Variants in GBE1 observed in about 807,000 individuals in gnomAD.
The protein encoded by GBE1 is 1,4-alpha-glucan branching enzyme 1.
In GBE1, 70 loss-of-function variants were observed where a neutral mutation model predicts 88.8. The observed-to-expected ratio is 0.79, with a 90% confidence interval of 0.65 to 0.96. The LOEUF (loss-of-function observed/expected upper bound fraction) is 0.96. GBE1 is among the 40% of genes least tolerant of loss of function. The pLI, the probability that GBE1 is intolerant of heterozygous loss-of-function variation, is 0.00. For missense variants in GBE1, 872 were observed against 871.0 expected (o/e 1.00, Z -0.01); for synonymous variants, 284 against 300.1 (o/e 0.95, Z 0.56).
chr3:81,696,461 G>C (rs777230570), intron 2 of GBE1, among the ~76,000 whole-genome samples: 1 of 152,170 alleles, frequency 6.6e-6, no homozygotes, highest in Non-Finnish European at 1.5e-5. Context: ...AAAATGAATA[G>C]TTTTGTTGTG....
At chr3:81,666,778 T>C (rs1705119143) in intron 3 of GBE1, among the ~76,000 whole-genome samples, 1 of 152,170 alleles carries the variant, frequency 6.6e-6, no homozygotes, top group African/African-American at 2.4e-5. Flanking sequence ...AGAACTTATC[T>C]AGAAAATAAT....
intron 12 of GBE1, among the ~76,000 whole-genome samples, chr3:81,571,273 G>T (rs530252380): frequency 6.6e-6 from 1 of 152,300 alleles, no homozygotes; most frequent in East Asian, 1.9e-4. Context: ...TAATGAGTTT[G>T]ATTTGAATGA....
intron 12 of GBE1, 56 bp from the exon 13 acceptor site, chr3:81,537,151 A>G: frequency 9.8e-7 from 1 of 1,022,138 alleles, no homozygotes. Flanking sequence ...TTTCTTACTA[A>G]TAATAAATCA....
chr3:81,566,026 C>T (rs1282941132), intron 12 of GBE1, among the ~76,000 whole-genome samples: 2 of 152,158 alleles, frequency 1.3e-5, no homozygotes, highest in Non-Finnish European at 2.9e-5. Flanking sequence ...CAGCCCCATT[C>T]GGGTTTGCTT....
intron 9 of GBE1, among the ~76,000 whole-genome samples, chr3:81,589,906 G>A (rs979423223): frequency 1.3e-5 from 2 of 152,008 alleles, no homozygotes; most frequent in East Asian, 1.9e-4. Flanking sequence ...ATTAGCACAA[G>A]TATTAGTAAG....
intron 1 of GBE1, among the ~76,000 whole-genome samples, chr3:81,760,806 G>A (rs999788477): frequency 2.0e-5 from 3 of 152,144 alleles, no homozygotes; most frequent in African/African-American, 4.8e-5. Context: ...TTGATCCAAG[G>A]GGAGAAAAAA....
intron 8 of GBE1, among the ~76,000 whole-genome samples, chr3:81,593,613 T>G (rs1458305308): frequency 6.6e-6 from 1 of 152,076 alleles, no homozygotes; most frequent in African/African-American, 2.4e-5. Flanking sequence ...TTATTTTTTA[T>G]TTTCATTGGA....
rs779517065 is a variant in GBE1 at position 81,577,971 on chromosome 3, T to C, written c.1572A>G (p.Arg524=). The change falls in exon 12 of 16, where the codon CGA becomes CGG. Residue 524 remains arginine, a synonymous_variant. Transcript: ENST00000429644. ...DRGIQLHKMI[R]LITHGLGGEG... is the part of the protein sequence containing the mutation. ...CTCCACCAAGCCCATGCGTAATGAG[T>C]CGAATCATTTTATGAAGCTGTATTC... The C allele has an allele frequency of 1.7e-5, 27 of 1,608,232 alleles. No homozygotes were observed. Among genetic ancestry groups the C allele is most frequent in the Non-Finnish European group, 1.9e-5 (22 of 1,177,838 alleles).
intron 15 of GBE1, among the ~76,000 whole-genome samples, chr3:81,495,119 T>C (rs1702483223): frequency 6.6e-6 from 1 of 152,248 alleles, no homozygotes; most frequent in African/African-American, 2.4e-5. Context: ...TCGGGCATAG[T>C]GGCTCACGCC....
intron 2 of GBE1, among the ~76,000 whole-genome samples, chr3:81,696,005 T>C (rs1042799479): frequency 6.6e-6 from 1 of 152,164 alleles, no homozygotes; most frequent in South Asian, 2.1e-4. Flanking sequence ...TGGCAAGCTA[T>C]AATACAAAGA....
chr3:81,635,824 G>C (rs903291124), intron 7 of GBE1, among the ~76,000 whole-genome samples: 1 of 152,138 alleles, frequency 6.6e-6, no homozygotes, highest in African/African-American at 2.4e-5. Context: ...AGATGTTTTA[G>C]GGCAATGAGC....
At chr3:81,725,164 T>A (rs903177785) in intron 1 of GBE1, among the ~76,000 whole-genome samples, 2 of 152,208 alleles carry the variant, frequency 1.3e-5, no homozygotes, top group Admixed American at 6.5e-5. Context: ...AAACATTTTT[T>A]ATTCTTCAAT....
At chr3:81,511,721 T>C (rs1702727382) in intron 14 of GBE1, among the ~76,000 whole-genome samples, 1 of 151,970 alleles carries the variant, frequency 6.6e-6, no homozygotes, top group African/African-American at 2.4e-5. Flanking sequence ...AGGGAACACT[T>C]ATATACTGTT....
chr3:81,621,536 T>C (rs1704333364), intron 7 of GBE1, among the ~76,000 whole-genome samples: 1 of 152,072 alleles, frequency 6.6e-6, no homozygotes, highest in Non-Finnish European at 1.5e-5. Flanking sequence ...AGCCAAAATA[T>C]TCAGTACCCT....
chr3:81,541,832 T>C (rs1174646091), intron 12 of GBE1, among the ~76,000 whole-genome samples: 1 of 152,106 alleles, frequency 6.6e-6, no homozygotes, highest in African/African-American at 2.4e-5. Context: ...ATAATTACAA[T>C]TAAATAGGTA....
At chr3:81,655,550 CTT>C (rs1369360860) in intron 3 of GBE1, among the ~76,000 whole-genome samples, 2 of 152,012 alleles carry the variant, frequency 1.3e-5, no homozygotes, top group African/African-American at 4.8e-5. Context: ...GAGTTTTACT[CTT>C]GTCGCCCAGG....
rs555968918 is a variant in GBE1 at position 81,731,285 on chromosome 3, T to C, written c.144-25672A>G. 1.3e-3 allele frequency among the ~76,000 whole-genome samples: 191 copies of C among 152,146 alleles called. 1 individual carries two copies. The highest frequency in any genetic ancestry group is 1.8e-3 in the Non-Finnish European group (125 of 68,024). On this transcript the variant is annotated intron_variant, in intron 1 of 15. Coordinates refer to ENST00000429644, the MANE Select transcript of GBE1 (RefSeq NM_000158.4). ...TCCCTCCCTGCAATTGAGTTGACTA[T>C]GTCCCCTGAACTAAGATCACTGCTA...
intron 9 of GBE1, 63 bp from the exon 10 acceptor site, chr3:81,586,253 C>A (rs778170139): frequency 1.2e-5 from 12 of 989,394 alleles, no homozygotes; most frequent in Non-Finnish European, 1.8e-5. Flanking sequence ...ACTGTAAAGC[C>A]CAGGTCAATA....
At chr3:81,566,114 C>T (rs1425384341) in intron 12 of GBE1, among the ~76,000 whole-genome samples, 1 of 152,210 alleles carries the variant, frequency 6.6e-6, no homozygotes, top group Non-Finnish European at 1.5e-5. Context: ...ACAATCTGAA[C>T]TTTTCTTCTC....
Sources: allele counts gnomAD v4.1 joint callset (sites outside exome capture counted in the v4.1 genomes callset), GRCh38; gene constraint gnomAD v4.1.1; transcripts MANE v1.5; gene names NCBI Gene and HGNC (gene_info 2026-07-23, HGNC 2026-07-21).